SASH1: variants seen among roughly 807,000 people sequenced by gnomAD.
SASH1 encodes the protein SAM and SH3 domain-containing protein 1.
In SASH1, 44 loss-of-function variants were observed where a neutral mutation model predicts 125.2. The observed-to-expected ratio is 0.35, with a 90% CI of 0.28 to 0.45. The LOEUF is 0.45. Ranked by LOEUF, SASH1 falls within the 20% of genes least tolerant of loss-of-function variation. SASH1 has a pLI of 1.00. For missense variants in SASH1, 1,426 were observed against 1,614.5 expected, an observed-to-expected ratio of 0.88 and a Z score of 2.00; for synonymous variants, 639 against 649.1, an observed-to-expected ratio of 0.98 and a Z score of 0.24.
At chr6:148,439,775 CA>C (rs34995107) in intron 2 of SASH1, among the ~76,000 whole-genome samples, 95 of 133,178 alleles carry the variant, frequency 7.1e-4, no homozygotes, top group South Asian at 1.2e-3. Flanking sequence ...GACTCTGTCT[CA>C]AAAAAAAAAA....
chr6:148,206,261 A>T, the SASH1 span, among the ~76,000 whole-genome samples: 1 of 152,164 alleles, frequency 6.6e-6, no homozygotes, highest in Non-Finnish European at 1.5e-5. Context: ...AGCCCCACCT[A>T]GAAACATACC....
At position 148,343,206 on chromosome 6, in the gene SASH1, G is replaced by A; in HGVS notation, c.139G>A (p.Asp47Asn). 1 of 1,592,352 alleles carries A rather than the reference G, an allele frequency of 6.3e-7. No homozygotes were observed. The highest frequency in any genetic ancestry group is 1.1e-5 in the South Asian group (1 of 90,034). ...CGAGGCGTTCTCCCGACTCTGGACC[G>A]ACGTGATGGGTATCCTGGTAAGTTA... ...TSEAFSRLWT[D>N]VMGILDGSLG... The change falls in exon 1 of 20, where the codon GAC (aspartate) becomes AAC (asparagine). Residue 47 changes from aspartate to asparagine, a missense_variant. By Grantham distance (23) the Asp-to-Asn change is conservative (BLOSUM62 1). Transcript: ENST00000367467.
In SASH1 at chr6:148,376,487, T is replaced by C. The variant is rs146362885; in HGVS notation, c.157-13647T>C. 2.1e-3 allele frequency among the ~76,000 whole-genome samples: 323 copies of C among 152,330 alleles called. 1 individual carries two copies. The highest frequency in any genetic ancestry group is 6.2e-3 in the South Asian group (30 of 4,826). On this transcript the variant is annotated intron_variant, in intron 1 of 19. Coordinates refer to ENST00000367467, the MANE Select transcript of SASH1 (RefSeq NM_015278.5). ...TCCTTTAGCTTCTGGGTGGGGCTTA[T>C]TGTAAGCGCTCATCACCACAAAAGG...
intron 1 of SASH1, among the ~76,000 whole-genome samples, 194 bp from the exon 2 acceptor site, chr6:148,389,940 G>A (rs1055454419): frequency 2.0e-5 from 3 of 152,168 alleles, no homozygotes; most frequent in African/African-American, 7.2e-5. Flanking sequence ...AATATAAGTG[G>A]GAAAAAACAG....
At chr6:148,387,631 T>G (rs1381589689) in intron 1 of SASH1, among the ~76,000 whole-genome samples, 8 of 50,970 alleles carry the variant, frequency 1.6e-4, no homozygotes, top group African/African-American at 5.9e-4. Flanking sequence ...TTTCTTTCTT[T>G]CTTTCTTTCT....
chr6:148,314,975 C>G (rs1780443406), intron 1 of SASH1, among the ~76,000 whole-genome samples: 1 of 152,054 alleles, frequency 6.6e-6, no homozygotes, highest in Non-Finnish European at 1.5e-5. Context: ...TCAGGCTGGT[C>G]TCGAACTCCT....
At chr6:148,497,773 A>G (rs1277785280) in intron 8 of SASH1, among the ~76,000 whole-genome samples, 5 of 152,194 alleles carry the variant, frequency 3.3e-5, no homozygotes, top group Non-Finnish European at 5.9e-5. Context: ...TTTATTTTCT[A>G]TTTCAGAAGG....
rs1440244376 is a variant in SASH1, at chr6:148,532,006, T to C, written c.1564+345T>C. Among the ~76,000 whole-genome samples the C allele has an allele frequency of 2.0e-5, 3 of 152,170 alleles. No homozygotes were observed. The highest frequency in any genetic ancestry group is 4.4e-5 in the Non-Finnish European group (3 of 68,022). ...GTGGGGAAGGGAGGGGAATTTTATA[T>C]GTGACTGATAAATTCGGGCCAATGG... On this transcript the variant is annotated intron_variant, in intron 13 of 19. Coordinates refer to ENST00000367467, the MANE Select transcript of SASH1 (RefSeq NM_015278.5). This position sits in a 1 kb window ranked among gnomAD's most constrained non-coding sequence, Gnocchi z 4.7.
intron 4 of SASH1, among the ~76,000 whole-genome samples, chr6:148,446,103 T>TTTTTTTTTTTTTTTTTTTTTC: frequency 4.8e-5 from 1 of 20,688 alleles, no homozygotes; most frequent in Non-Finnish European, 9.8e-5. Context: ...TTTTTTTTTT[T>TTTTTTTTTTTTTTTTTTTTTC]TTTTTTTTTT....
Position 148,548,690 on chromosome 6 carries a change from C to CG in SASH1, c.*133dup. ...AAAGGCCTGGCGTGTGGCCAAACAGCGTGAAACCTTGGCACAGGACTGAGG... is the reference window on the plus strand; with the variant it reads ...AAAGGCCTGGCGTGTGGCCAAACAGCGGTGAAACCTTGGCACAGGACTGAGG... On this transcript the variant is annotated 3_prime_UTR_variant, in exon 20 of 20. Coordinates refer to ENST00000367467, the MANE Select transcript of SASH1 (RefSeq NM_015278.5). The CG allele has an allele frequency of 1.8e-6, 2 of 1,102,664 alleles. No homozygotes were observed. The highest frequency in any genetic ancestry group is 2.5e-6 in the Non-Finnish European group (2 of 785,784). The allele number at this position is 1,102,664 out of a possible 1,614,324, so 68.3% of individuals were successfully genotyped here.
At chr6:148,475,070 A>G (rs916365958) in intron 7 of SASH1, among the ~76,000 whole-genome samples, 1 of 152,230 alleles carries the variant, frequency 6.6e-6, no homozygotes, top group Non-Finnish European at 1.5e-5. Context: ...CATTTATGAT[A>G]GTAAGGCAGC....
At chr6:148,230,085 C>G in the SASH1 span, among the ~76,000 whole-genome samples, 1 of 152,156 alleles carries the variant, frequency 6.6e-6, no homozygotes, top group South Asian at 2.1e-4. Context: ...AACCCAGCCC[C>G]TAAGCAACCA....
At chr6:148,305,403 C>T (rs985766023) in intron 1 of SASH1, among the ~76,000 whole-genome samples, 4 of 152,090 alleles carry the variant, frequency 2.6e-5, no homozygotes, top group Admixed American at 6.6e-5. Context: ...GTCAGGAGTT[C>T]GAGATCACCC....
intron 5 of SASH1, 152 bp downstream of exon 5, chr6:148,468,737 A>T (rs1777963391): frequency 3.6e-6 from 2 of 549,694 alleles, no homozygotes; most frequent in South Asian, 5.6e-5. Context: ...TCCTTTTTCT[A>T]GGCAGTTTTA....
At chr6:148,196,568 C>T in the SASH1 span, among the ~76,000 whole-genome samples, 745 of 152,330 alleles carry the variant, frequency 4.9e-3, 6 homozygotes, top group Non-Finnish European at 8.2e-3. Flanking sequence ...TCCCAGTGAG[C>T]TCATCTGAAT....
At chr6:148,340,642 A>C (rs768038275), upstream of SASH1, among the ~76,000 whole-genome samples, 17 of 152,158 alleles carry the variant, frequency 1.1e-4, no homozygotes, top group Admixed American at 2.6e-4. Context: ...CATCAGCCTT[A>C]ACTGAATTTA....
intron 1 of SASH1, among the ~76,000 whole-genome samples, chr6:148,305,538 G>T (rs1780102978): frequency 6.7e-6 from 1 of 148,962 alleles, no homozygotes; most frequent in South Asian, 2.1e-4. Context: ...CAGGAGAATT[G>T]CTTGAACCCA....
At chr6:148,217,734 C>G in the SASH1 span, among the ~76,000 whole-genome samples, 1 of 151,812 alleles carries the variant, frequency 6.6e-6, no homozygotes, top group Non-Finnish European at 1.5e-5. Flanking sequence ...GCCAGACTCA[C>G]TGGCTCTCGC....
the SASH1 span, among the ~76,000 whole-genome samples, chr6:148,219,521 C>T: frequency 2.2e-4 from 34 of 152,278 alleles, no homozygotes; most frequent in African/African-American, 7.7e-4. Flanking sequence ...TCCTTTAACA[C>T]GCCTCATGAT....
Sources: allele counts gnomAD v4.1 joint callset (sites outside exome capture counted in the v4.1 genomes callset), GRCh38; gene constraint gnomAD v4.1.1; non-coding constraint Gnocchi (gnomAD v3.1); transcripts MANE v1.5; gene names NCBI Gene and HGNC (gene_info 2026-07-23, HGNC 2026-07-21).